Variants in CACNA2D3 observed in about 807,000 individuals in gnomAD.
CACNA2D3 encodes calcium voltage-gated channel auxiliary subunit alpha2delta 3, also known as voltage-dependent calcium channel subunit alpha-2/delta-3.
A neutral mutation model predicts 160.6 loss-of-function variants in CACNA2D3; 60 were observed. The observed-to-expected ratio is 0.37, with a 90% confidence interval of 0.30 to 0.46. The LOEUF is 0.46. Among genes scored for constraint, CACNA2D3 ranks in the 20% least tolerant of loss-of-function variants. The pLI is 1.00. For synonymous variants in CACNA2D3, 558 were observed against 492.9 expected (o/e 1.13, Z -1.75); for missense variants, 1,205 against 1,365.0 (o/e 0.88, Z 1.85).
intron 3 of CACNA2D3, among the ~76,000 whole-genome samples, chr3:54,381,421 C>T (rs1699100786): frequency 6.6e-6 from 1 of 152,228 alleles, no homozygotes; most frequent in Admixed American, 6.5e-5. Context: ...CTTCCCGCCT[C>T]TCACCGCACA....
Position 54,952,953 on chromosome 3 carries a change from C to T in CACNA2D3, c.2450-15497C>T, listed in dbSNP as rs17054605. Reference sequence around the variant, plus strand: ...GGAAACTTTTCATAGGGATTTGAAGCCTAATGTTCCTGAAGGTGACATGGA... The same window carrying T: ...GGAAACTTTTCATAGGGATTTGAAGTCTAATGTTCCTGAAGGTGACATGGA... On this transcript the variant is annotated intron_variant, in intron 27 of 37. Coordinates refer to ENST00000474759, the MANE Select transcript of CACNA2D3 (RefSeq NM_018398.3). 5.7e-3 allele frequency among the ~76,000 whole-genome samples: 874 copies of T among 152,196 alleles called. 12 individuals carry two copies. Among genetic ancestry groups the T allele is most frequent in the African/African-American group, 0.019 (783 of 41,516 alleles).
At chr3:54,337,499 C>T (rs115057080) in intron 3 of CACNA2D3, among the ~76,000 whole-genome samples, 189 of 152,276 alleles carry the variant, frequency 1.2e-3, no homozygotes, top group Middle Eastern at 0.01. Flanking sequence ...CTTATTAATA[C>T]CTGCATTGCT....
chr3:54,417,122 AT>A, intron 4 of CACNA2D3, among the ~76,000 whole-genome samples: 1 of 152,318 alleles, frequency 6.6e-6, no homozygotes, highest in East Asian at 1.9e-4. Flanking sequence ...TTCTGCCTGA[AT>A]ATTTGTGTCA....
chr3:54,761,130 C>G (rs566957019), intron 12 of CACNA2D3, among the ~76,000 whole-genome samples: 1 of 152,164 alleles, frequency 6.6e-6, no homozygotes, highest in African/African-American at 2.4e-5. Flanking sequence ...ATCTTTCTTC[C>G]CTTGGCACTG....
Position 54,832,060 on chromosome 3 carries a change from TCTC to T in CACNA2D3, c.1399-5092_1399-5090del, listed in dbSNP as rs200531491. Among the ~76,000 whole-genome samples, 707 of 105,922 alleles carry T rather than the reference TCTC, an allele frequency of 6.7e-3. 10 individuals are homozygous for T. The highest frequency in any genetic ancestry group is 0.022 in the African/African-American group (625 of 27,942). The allele number at this position is 105,922 out of a possible 152,430, so 69.5% of individuals were successfully genotyped here. On this transcript the variant is annotated intron_variant, in intron 14 of 37. Transcript: ENST00000474759. ...ACACACACACACACACACACACGTC[TCTC>T]CTCCTCTCTGTTGAGTTTATTTTAT...
At chr3:54,700,011 C>G (rs1380279347) in intron 11 of CACNA2D3, among the ~76,000 whole-genome samples, 2 of 152,200 alleles carry the variant, frequency 1.3e-5, no homozygotes, top group Admixed American at 1.3e-4. Context: ...CAGGTACACA[C>G]AAGGTTGTCC....
chr3:54,792,610 G>A lies in CACNA2D3; in HGVS notation c.1381-24243G>A, dbSNP rs6810053. Reference sequence around the variant, plus strand: ...TTTCAGATGAGGCTTTTTCCCCTGTGTGCAGTCAAGATCGTCATCAGCAGC... The same window carrying A: ...TTTCAGATGAGGCTTTTTCCCCTGTATGCAGTCAAGATCGTCATCAGCAGC... On this transcript the variant is annotated intron_variant, in intron 13 of 37. Coordinates refer to ENST00000474759, the MANE Select transcript of CACNA2D3 (RefSeq NM_018398.3). Among the ~76,000 whole-genome samples the A allele has an allele frequency of 3.9e-3, 596 of 152,168 alleles. 2 individuals carry two copies. Among genetic ancestry groups the A allele is most frequent in the African/African-American group, 0.014 (574 of 41,520 alleles).
At chr3:54,771,330 A>G (rs1013017136) in intron 13 of CACNA2D3, among the ~76,000 whole-genome samples, 2 of 152,184 alleles carry the variant, frequency 1.3e-5, no homozygotes, top group South Asian at 2.1e-4. Flanking sequence ...AAACAGCACA[A>G]GTGTATCATC....
At chr3:55,027,190 G>A (rs1170742861) in intron 35 of CACNA2D3, among the ~76,000 whole-genome samples, 1 of 152,176 alleles carries the variant, frequency 6.6e-6, no homozygotes, top group African/African-American at 2.4e-5. Context: ...ACGATTTAAT[G>A]TTTATACAAT....
At chr3:54,809,307 C>CTTTTTTTTTTTTTTTTTTTTTTT (rs1417063441) in intron 13 of CACNA2D3, among the ~76,000 whole-genome samples, 2 of 86,250 alleles carry the variant, frequency 2.3e-5, no homozygotes, top group African/African-American at 8.1e-5. Flanking sequence ...TTCCTTCCTT[C>CTTTTTTTTTTTTTTTTTTTTTTT]TTTCTTTTTT....
At chr3:54,632,420 T>C (rs558633187) in intron 10 of CACNA2D3, 1 of 152,350 alleles carries the variant, frequency 6.6e-6, no homozygotes, top group Admixed American at 6.5e-5. Flanking sequence ...TAGATTACTT[T>C]TATGCATTGG....
chr3:54,904,649 CA>C (rs1307265167), intron 27 of CACNA2D3, among the ~76,000 whole-genome samples: 1 of 152,106 alleles, frequency 6.6e-6, no homozygotes, highest in Non-Finnish European at 1.5e-5. Flanking sequence ...GGCAAAGACC[CA>C]ATTATCTTTT....
At chr3:54,345,020 C>T (rs550272032) in intron 3 of CACNA2D3, among the ~76,000 whole-genome samples, 6 of 152,274 alleles carry the variant, frequency 3.9e-5, no homozygotes, top group Admixed American at 6.5e-5. Flanking sequence ...GCCATGGCAA[C>T]GACAGGAAGT....
intron 4 of CACNA2D3, among the ~76,000 whole-genome samples, chr3:54,493,964 T>C (rs924884824): frequency 1.3e-5 from 2 of 152,256 alleles, no homozygotes; most frequent in African/African-American, 4.8e-5. Flanking sequence ...AACTTTTAAA[T>C]ACTTACTCAT....
chr3:54,310,400 C>A (rs775138443), intron 2 of CACNA2D3, among the ~76,000 whole-genome samples: 3 of 152,084 alleles, frequency 2.0e-5, no homozygotes, highest in Non-Finnish European at 4.4e-5. Flanking sequence ...AATAAGAAAA[C>A]GACGCTGTCT....
chr3:54,569,794 G>C lies in CACNA2D3; in HGVS notation c.677-1G>C. The C allele has an allele frequency of 6.3e-7, 1 of 1,594,276 alleles. No individual in the cohort carries two copies. The highest frequency in any genetic ancestry group is 8.6e-7 in the Non-Finnish European group (1 of 1,169,228). ...TTCTCATAACCCCATTTTTCTTCTA[G>C]GGATTAAATGGGAACCAGATGAGAA... On this transcript the variant is annotated splice_acceptor_variant, in intron 6 of 37. Transcript: ENST00000474759. LOFTEE classifies it high-confidence loss of function.
chr3:54,895,770 T>A (rs1700174262), intron 25 of CACNA2D3, among the ~76,000 whole-genome samples: 2 of 152,196 alleles, frequency 1.3e-5, no homozygotes, highest in South Asian at 4.1e-4. Context: ...CCGCCTGAGT[T>A]GCACCGTATC....
At chr3:54,624,610 G>A (rs1001129046) in intron 9 of CACNA2D3, among the ~76,000 whole-genome samples, 45 of 152,306 alleles carry the variant, frequency 3.0e-4, no homozygotes, top group African/African-American at 1.0e-3. Context: ...GCGACAGAGC[G>A]AGACTACTCC....
intron 27 of CACNA2D3, among the ~76,000 whole-genome samples, chr3:54,909,578 A>G (rs1166167243): frequency 1.3e-5 from 2 of 152,038 alleles, no homozygotes; most frequent in African/African-American, 2.4e-5. Context: ...TGGGCTGTGC[A>G]GCTTCAAATG....
Sources: gnomAD v4.1 joint callset for allele counts (sites outside exome capture counted in the v4.1 genomes callset) on GRCh38, gnomAD v4.1.1 for gene constraint, MANE v1.5 for transcripts, NCBI Gene and HGNC (gene_info 2026-07-23, HGNC 2026-07-21) for gene names.